Variants in STK31 observed in about 807,000 individuals in gnomAD.
STK31 encodes the protein serine/threonine-protein kinase 31.
STK31 carries 89 observed loss-of-function variants against 129.7 expected under a neutral mutation model. The observed-to-expected ratio is 0.69, with a 90% CI of 0.58 to 0.82. The LOEUF (loss-of-function observed/expected upper bound fraction) is 0.82, where lower values mean the gene tolerates loss of function less well. Ranked by LOEUF, STK31 falls within the 40% of genes least tolerant of loss-of-function variation. STK31 has a pLI of 0.00. For missense variants in STK31, 1,187 were observed against 1,176.4 expected (o/e 1.01, Z -0.13); for synonymous variants, 448 against 395.3 (o/e 1.13, Z -1.58).
chr7:23,727,159 A>G (rs1346968158), intron 4 of STK31, 82 bp from the exon 5 acceptor site: 2 of 1,085,582 alleles, frequency 1.8e-6, no homozygotes, highest in East Asian at 2.5e-5. Context: ...ACATATAGGA[A>G]GAGCTTAAAT....
intron 8 of STK31, among the ~76,000 whole-genome samples, chr7:23,740,004 G>A (rs2128083861): frequency 6.6e-6 from 1 of 152,270 alleles, no homozygotes; most frequent in African/African-American, 2.4e-5. Context: ...TTCTAGTTCT[G>A]TGAAGAAAGT....
At chr7:23,773,914 G>T (rs1790362441) in intron 15 of STK31, among the ~76,000 whole-genome samples, 1 of 151,798 alleles carries the variant, frequency 6.6e-6, no homozygotes, top group East Asian at 1.9e-4. Flanking sequence ...TTCTCCTAAT[G>T]CTGTCTCTCT....
At chr7:23,723,371 T>G (rs1437099880) in intron 4 of STK31, among the ~76,000 whole-genome samples, 1 of 152,186 alleles carries the variant, frequency 6.6e-6, no homozygotes, top group African/African-American at 2.4e-5. Flanking sequence ...TTAGCCCATC[T>G]GAGACCCATC....
intron 8 of STK31, among the ~76,000 whole-genome samples, chr7:23,747,380 T>TTTTTAG (rs975797178): frequency 2.0e-5 from 3 of 151,970 alleles, no homozygotes; most frequent in Non-Finnish European, 4.4e-5. Context: ...TTTATTTTTA[T>TTTTTAG]TTTTTTGGAG....
intron 23 of STK31, among the ~76,000 whole-genome samples, chr7:23,830,050 TG>T (rs1274945599): frequency 3.3e-5 from 5 of 151,820 alleles, no homozygotes; most frequent in Non-Finnish European, 5.9e-5. Flanking sequence ...CCCGGGTTCA[TG>T]CCATTCTCCT....
chr7:23,735,992 G>C (rs1787696494), intron 7 of STK31, 96 bp downstream of exon 7: 8 of 1,026,808 alleles, frequency 7.8e-6, no homozygotes, highest in Middle Eastern at 5.0e-4. Flanking sequence ...ATCCTTTACT[G>C]TGTCAGTGAT....
intron 6 of STK31, among the ~76,000 whole-genome samples, chr7:23,733,283 G>A (rs1370800592): frequency 1.3e-5 from 2 of 152,070 alleles, no homozygotes; most frequent in African/African-American, 4.8e-5. Flanking sequence ...TAGGCACAGG[G>A]TGTGTGCCTG....
intron 22 of STK31, among the ~76,000 whole-genome samples, chr7:23,797,611 A>G (rs1792056342): frequency 6.6e-6 from 1 of 152,298 alleles, no homozygotes. Flanking sequence ...CAGCTAAAGC[A>G]GTGTTTAGAG....
chr7:23,721,479 G>A, intron 4 of STK31: 1 of 1,060,636 alleles, frequency 9.4e-7, no homozygotes, highest in Non-Finnish European at 1.4e-6. Flanking sequence ...TCTCTGTCCA[G>A]AGGCTGAGGA....
intron 1 of STK31, chr7:23,710,653 G>C: frequency 8.4e-7 from 1 of 1,186,850 alleles, no homozygotes; most frequent in African/African-American, 1.6e-5. Context: ...ATAAGTGTCA[G>C]AGAGCTACGT....
At chr7:23,759,305 AC>A (rs1461079494) in intron 10 of STK31, among the ~76,000 whole-genome samples, 4 of 152,182 alleles carry the variant, frequency 2.6e-5, no homozygotes, top group Non-Finnish European at 5.9e-5. Flanking sequence ...AGAACTCTCT[AC>A]CCCAAATCAA....
intron 10 of STK31, among the ~76,000 whole-genome samples, chr7:23,757,590 C>G (rs1372296603): frequency 6.6e-6 from 1 of 152,194 alleles, no homozygotes; most frequent in Non-Finnish European, 1.5e-5. Context: ...GCATGTCTCA[C>G]CTCCAGCCTT....
chr7:23,808,165 A>AT (rs1488099575), intron 22 of STK31, among the ~76,000 whole-genome samples: 17 of 119,460 alleles, frequency 1.4e-4, no homozygotes, highest in African/African-American at 4.5e-4. Flanking sequence ...ATATATATAT[A>AT]TATATTTTTT....
chr7:23,784,301 T>G (rs1307409771), intron 17 of STK31, among the ~76,000 whole-genome samples: 2 of 152,178 alleles, frequency 1.3e-5, no homozygotes, highest in Admixed American at 6.5e-5. Flanking sequence ...TTATAATGGC[T>G]TAAATATGGT....
intron 22 of STK31, among the ~76,000 whole-genome samples, chr7:23,812,584 A>T (rs80257269): frequency 5.5e-4 from 83 of 152,048 alleles, no homozygotes; most frequent in African/African-American, 2.0e-3. Flanking sequence ...ATATTGTTTA[A>T]TGGTGAAGTC....
intron 15 of STK31, among the ~76,000 whole-genome samples, chr7:23,778,778 A>G (rs991636957): frequency 2.6e-5 from 4 of 152,066 alleles, no homozygotes; most frequent in African/African-American, 9.7e-5. Context: ...GGGTTAGAAC[A>G]TGCTCCTTTA....
Position 23,769,720 on chromosome 7 carries a change from G to C in STK31, c.1677G>C (p.Glu559Asp). 1 of 1,609,970 alleles carries C rather than the reference G, an allele frequency of 6.2e-7. No individual in the cohort carries two copies. Among genetic ancestry groups the C allele is most frequent in the Non-Finnish European group, 8.5e-7 (1 of 1,177,732 alleles). The change falls in exon 13 of 24, where the codon GAG becomes GAC. Residue 559 changes from glutamate to aspartate, a missense_variant. By Grantham distance (45) the Glu-to-Asp change is conservative. This residue lies in a region of STK31 where 975 missense variants were observed against 934.9 expected (regional missense o/e 1.04). Transcript: ENST00000355870. ...DNIDEILEKT[E>D]SSVCKELEIA... Reference sequence around the variant, plus strand: ...TTGATGAAATCCTAGAGAAGACTGAGTCAAGTGTCTGCAAAGAGCTGGAGA... The same window carrying C: ...TTGATGAAATCCTAGAGAAGACTGACTCAAGTGTCTGCAAAGAGCTGGAGA...
intron 9 of STK31, 151 bp from the exon 10 acceptor site, chr7:23,754,164 T>C: frequency 1.8e-6 from 1 of 548,626 alleles, no homozygotes; most frequent in Non-Finnish European, 2.9e-6. Context: ...AAATAAGTTA[T>C]ACATGATTTT....
chr7:23,743,516 G>C (rs761214630), intron 8 of STK31, among the ~76,000 whole-genome samples: 1 of 152,162 alleles, frequency 6.6e-6, no homozygotes, highest in African/African-American at 2.4e-5. Context: ...TCTGATGGGG[G>C]TTTCCTTATA....
Sources: gnomAD v4.1 joint callset for allele counts (sites outside exome capture counted in the v4.1 genomes callset) on GRCh38, gnomAD v4.1.1 for gene constraint, gnomAD v4.1.1 regional missense constraint, MANE v1.5 for transcripts, NCBI Gene and HGNC (gene_info 2026-07-23, HGNC 2026-07-21) for gene names.